The following ADAMTS17 variants were observed in gnomAD, a reference collection of about 807,000 sequenced individuals.
The protein encoded by ADAMTS17 is A disintegrin and metalloproteinase with thrombospondin motifs 17.
ADAMTS17 carries 113 observed loss-of-function variants against 141.5 expected under a neutral mutation model. The observed-to-expected ratio is 0.80, with a 90% CI of 0.69 to 0.93. The LOEUF is 0.93. Among genes scored for constraint, ADAMTS17 ranks in the 40% least tolerant of loss-of-function variants. The probability of loss-of-function intolerance (pLI) is 0.00; values close to 1 mark genes in which losing one functional copy is unlikely to be tolerated. For missense variants in ADAMTS17, 1,659 were observed against 1,517.9 expected, an observed-to-expected ratio of 1.09 and a Z score of -1.54; for synonymous variants, 768 against 630.6, an observed-to-expected ratio of 1.22 and a Z score of -3.27.
intron 8 of ADAMTS17, among the ~76,000 whole-genome samples, chr15:100,161,515 C>A (rs1318720140): frequency 6.6e-6 from 1 of 152,230 alleles, no homozygotes; most frequent in African/African-American, 2.4e-5. Flanking sequence ...TGTGGGGATA[C>A]TGCCTGGCAA....
At chr15:100,323,120 T>C (rs1019985157) in intron 3 of ADAMTS17, among the ~76,000 whole-genome samples, 1 of 151,396 alleles carries the variant, frequency 6.6e-6, no homozygotes, top group South Asian at 2.1e-4. Context: ...ATAAATCATG[T>C]TGTAAAGATA....
In ADAMTS17 at chr15:100,051,619, A is replaced by G. The variant is rs1022748288; in HGVS notation, c.2408T>C (p.Ile803Thr). ...EPEKPQDSLF[I>T]WTHSGWEGCS... Reference sequence around the variant, plus strand: ...CCCTTCCCAGCCGCTGTGGGTCCAGATGAACAAAGAGTCCTGCGGTTTTTC... The same window carrying G: ...CCCTTCCCAGCCGCTGTGGGTCCAGGTGAACAAAGAGTCCTGCGGTTTTTC... The change falls in exon 17 of 22, where the codon ATC becomes ACC. Residue 803 changes from isoleucine (I) to threonine (T), a missense_variant. Ile to Thr is a moderately conservative substitution (Grantham distance 89). Transcript: ENST00000268070. 1.2e-6 allele frequency: 2 copies of G among 1,614,020 alleles called. No individual in the cohort carries two copies. The highest frequency in any genetic ancestry group is 2.7e-5 in the African/African-American group (2 of 74,924).
chr15:100,041,918 C>G (rs2031291061), intron 18 of ADAMTS17, among the ~76,000 whole-genome samples: 1 of 152,300 alleles, frequency 6.6e-6, no homozygotes, highest in Non-Finnish European at 1.5e-5. Context: ...ATCTCTGCCA[C>G]TTTAAAGGTC....
chr15:100,158,238 T>C (rs1000821184), intron 8 of ADAMTS17, among the ~76,000 whole-genome samples: 1 of 152,186 alleles, frequency 6.6e-6, no homozygotes, highest in Non-Finnish European at 1.5e-5. Flanking sequence ...TACTCAGCTT[T>C]TTACTTTACT....
chr15:100,063,782 A>T lies in ADAMTS17; in HGVS notation c.2138-9728T>A, dbSNP rs34229918. On this transcript the variant is annotated intron_variant, in intron 15 of 21. Transcript: ENST00000268070. Reference sequence around the variant, plus strand: ...AACCTGTAGCAACAAACGACACAGAAGTAAACCACACCTCCACCCTGCACC... The same window carrying T: ...AACCTGTAGCAACAAACGACACAGATGTAAACCACACCTCCACCCTGCACC... 3 of 1,285,306 alleles carry T rather than the reference A, an allele frequency of 2.3e-6. No individual in the cohort carries two copies. In the South Asian group the frequency reaches 3.7e-5, roughly 16 times the overall value. The allele number at this position is 1,285,306 out of a possible 1,614,324, so 79.6% of individuals were successfully genotyped here.
chr15:100,038,171 T>C (rs1364247992), intron 18 of ADAMTS17, among the ~76,000 whole-genome samples: 1 of 152,242 alleles, frequency 6.6e-6, no homozygotes, highest in Non-Finnish European at 1.5e-5. Flanking sequence ...GAAAAGCAGT[T>C]GACAGTAACT....
intron 17 of ADAMTS17, among the ~76,000 whole-genome samples, chr15:100,050,175 G>A (rs1016887335): frequency 1.3e-5 from 2 of 152,154 alleles, no homozygotes; most frequent in African/African-American, 4.8e-5. Flanking sequence ...CAGCTTTGGT[G>A]GCAGGTCTGA....
intron 15 of ADAMTS17, among the ~76,000 whole-genome samples, chr15:100,086,272 G>T (rs1481119280): frequency 1.3e-5 from 2 of 151,852 alleles, no homozygotes; most frequent in South Asian, 4.1e-4. Flanking sequence ...AATGGTAAAG[G>T]GATCAATTCA....
intron 7 of ADAMTS17, among the ~76,000 whole-genome samples, chr15:100,244,115 A>G (rs1417474396): frequency 1.3e-5 from 2 of 152,062 alleles, no homozygotes; most frequent in Non-Finnish European, 2.9e-5. Flanking sequence ...ACATGGTGGC[A>G]GGCCAGAGAG....
At chr15:100,255,591 C>T (rs987114121) in intron 6 of ADAMTS17, among the ~76,000 whole-genome samples, 1 of 99,660 alleles carries the variant, frequency 1.0e-5, no homozygotes, top group African/African-American at 3.5e-5. Flanking sequence ...ACATTCAGCA[C>T]CCTTCCCAAT....
chr15:100,003,211 C>G (rs527923736), intron 18 of ADAMTS17, among the ~76,000 whole-genome samples: 1 of 152,256 alleles, frequency 6.6e-6, no homozygotes, highest in South Asian at 2.1e-4. Flanking sequence ...CCAGGCAGCT[C>G]AGGGCACAGC....
At chr15:100,161,418 G>A (rs1013700847) in intron 8 of ADAMTS17, among the ~76,000 whole-genome samples, 1 of 151,650 alleles carries the variant, frequency 6.6e-6, no homozygotes, top group African/African-American at 2.4e-5. Context: ...TCTGTGGAAT[G>A]AATCCCCGGA....
chr15:100,262,174 C>G (rs1355683702), intron 5 of ADAMTS17, among the ~76,000 whole-genome samples, 178 bp downstream of exon 5: 1 of 149,830 alleles, frequency 6.7e-6, no homozygotes, highest in African/African-American at 2.5e-5. Flanking sequence ...TTCTCAACAG[C>G]CCCCCCTCAC....
rs1016206521 is a variant in ADAMTS17, at chr15:99,974,112, G to C, written c.*290C>G. 2 of 496,396 alleles carry C rather than the reference G, an allele frequency of 4.0e-6. No homozygotes were observed. The highest frequency in any genetic ancestry group is 7.4e-6 in the Non-Finnish European group (2 of 271,532). The allele number at this position is 496,396 out of a possible 1,614,324, so 30.7% of individuals were successfully genotyped here. ...GAACACTAAATGATGTCTCTCTCTT[G>C]ACGGTTGTCTGCCAGAGGTGCTTCC... On this transcript the variant is annotated 3_prime_UTR_variant, in exon 22 of 22. Coordinates refer to ENST00000268070, the MANE Select transcript of ADAMTS17 (RefSeq NM_139057.4).
chr15:100,034,576 G>A (rs1455429204), intron 18 of ADAMTS17, among the ~76,000 whole-genome samples: 1 of 152,238 alleles, frequency 6.6e-6, no homozygotes, highest in Non-Finnish European at 1.5e-5. Flanking sequence ...GACCCCGCGT[G>A]TACACCATTG....
At chr15:100,330,185 C>T (rs146862607) in intron 3 of ADAMTS17, among the ~76,000 whole-genome samples, 7 of 152,186 alleles carry the variant, frequency 4.6e-5, no homozygotes, top group Admixed American at 6.5e-5. Context: ...GTTCTCCCCC[C>T]ACACTGCATC....
chr15:100,108,978 A>T lies in ADAMTS17; in HGVS notation c.2016+11T>A. 1 of 1,613,684 alleles carries T rather than the reference A, an allele frequency of 6.2e-7. No homozygotes were observed. The highest frequency in any genetic ancestry group is 1.3e-5 in the African/African-American group (1 of 75,048). ...AAAGCCCCACCAAGGACCGAAGGAGAAGTACGTCACCTGGCACTTGCCGTG... is the reference window on the plus strand; with the variant it reads ...AAAGCCCCACCAAGGACCGAAGGAGTAGTACGTCACCTGGCACTTGCCGTG... On this transcript the variant is annotated intron_variant, in intron 14 of 21. Coordinates refer to ENST00000268070, the MANE Select transcript of ADAMTS17 (RefSeq NM_139057.4).
intron 15 of ADAMTS17, among the ~76,000 whole-genome samples, chr15:100,066,492 C>CT (rs911499369): frequency 7.2e-5 from 11 of 152,010 alleles, no homozygotes; most frequent in Middle Eastern, 3.4e-3. Context: ...CTTCTGATAT[C>CT]TTTTTTTCTT....
chr15:100,109,887 G>A (rs977889193), intron 13 of ADAMTS17, among the ~76,000 whole-genome samples: 3 of 152,042 alleles, frequency 2.0e-5, no homozygotes, highest in Admixed American at 1.3e-4. Context: ...CGCCAGCTCT[G>A]AGGTGGGGCA....
Sources: gnomAD v4.1 joint callset for allele counts (sites outside exome capture counted in the v4.1 genomes callset) on GRCh38, gnomAD v4.1.1 for gene constraint, MANE v1.5 for transcripts, NCBI Gene and HGNC (gene_info 2026-07-23, HGNC 2026-07-21) for gene names.